Variants in EHMT1 observed in about 807,000 individuals in gnomAD.
The protein encoded by EHMT1 is histone-lysine N-methyltransferase EHMT1.
A neutral mutation model predicts 147.2 loss-of-function variants in EHMT1; 15 were observed. The ratio of observed to expected loss-of-function variants is 0.10; its 90% CI spans 0.07 to 0.16. EHMT1 has a LOEUF of 0.16. EHMT1 is among the 10% of genes least tolerant of loss of function. The pLI, the probability that EHMT1 is intolerant of heterozygous loss-of-function variation, is 1.00. For missense variants in EHMT1, 1,587 were observed against 1,772.4 expected (o/e 0.90, Z 1.88); for synonymous variants, 795 against 709.6 (o/e 1.12, Z -1.91).
chr9:137,643,222 A>G lies in EHMT1; in HGVS notation c.21+24173A>G, dbSNP rs571076187. ...TTCATGTGGGCTTGAGTTACTGTCT[A>G]GTGTCCTTTCATTTATCCTGAAGGA... On this transcript the variant is annotated intron_variant, in intron 1 of 26. Transcript: ENST00000460843. Among the ~76,000 whole-genome samples, 6 of 149,474 alleles carry G rather than the reference A, an allele frequency of 4.0e-5. No individual in the cohort carries two copies. The South Asian group carries it at 1.3e-3, about 32-fold the overall frequency.
chr9:137,719,760 G>A (rs1945745936), intron 3 of EHMT1, among the ~76,000 whole-genome samples: 1 of 152,158 alleles, frequency 6.6e-6, no homozygotes, highest in Admixed American at 6.5e-5. Flanking sequence ...TCACGTGCAG[G>A]GTGTTCTGTG....
chr9:137,659,455 G>C (rs749279099), intron 1 of EHMT1, among the ~76,000 whole-genome samples: 5 of 151,744 alleles, frequency 3.3e-5, no homozygotes, highest in Non-Finnish European at 5.9e-5. Context: ...ATGTTCCCCA[G>C]GCTGGACTTG....
intron 19 of EHMT1, among the ~76,000 whole-genome samples, chr9:137,812,637 A>C (rs1475645860): frequency 6.6e-6 from 1 of 152,260 alleles, no homozygotes; most frequent in African/African-American, 2.4e-5. Context: ...GGAACTGAGG[A>C]CTGCTCACGC....
At chr9:137,658,500 A>G (rs1302749086) in intron 1 of EHMT1, among the ~76,000 whole-genome samples, 1 of 151,834 alleles carries the variant, frequency 6.6e-6, no homozygotes, top group African/African-American at 2.4e-5. Flanking sequence ...TGGTTCTTGT[A>G]TCTAAGGTAG....
intron 1 of EHMT1, among the ~76,000 whole-genome samples, chr9:137,657,933 T>C (rs1938649133): frequency 6.6e-6 from 1 of 152,148 alleles, no homozygotes; most frequent in African/African-American, 2.4e-5. Context: ...TCAGTCATTT[T>C]AATTTTTAGC....
chr9:137,684,038 T>G (rs767623023), intron 1 of EHMT1, among the ~76,000 whole-genome samples: 13 of 149,994 alleles, frequency 8.7e-5, no homozygotes, highest in South Asian at 2.1e-4. Flanking sequence ...TTGTTTGTTT[T>G]TTTGCTTGTT....
Position 137,776,954 on chromosome 9 carries a change from G to A in EHMT1, c.2018+110G>A. ...TGTTTTTTCCAGAAGTCTCTGAGCTGATGCTGATGCTTATGGTGATTTCTG... is the reference window on the plus strand; with the variant it reads ...TGTTTTTTCCAGAAGTCTCTGAGCTAATGCTGATGCTTATGGTGATTTCTG... On this transcript the variant is annotated intron_variant, in intron 12 of 26. Transcript: ENST00000460843. The surrounding 1 kb of genome is among the most constrained non-coding windows in gnomAD (Gnocchi z 4.4). 1 of 962,006 alleles carries A rather than the reference G, an allele frequency of 1.0e-6. No individual in the cohort carries two copies. Among genetic ancestry groups the A allele is most frequent in the Non-Finnish European group, 1.6e-6 (1 of 631,320 alleles). 59.6% of individuals were successfully genotyped at this position (962,006 alleles called of 1,614,324 possible). A position where few individuals can be genotyped will look rare whatever the true frequency, so the allele number is the denominator to read the frequency against.
chr9:137,802,929 G>A (rs923941140), intron 18 of EHMT1: 6 of 1,232,652 alleles, frequency 4.9e-6, no homozygotes, highest in Admixed American at 8.4e-5. Context: ...GGAGCCCTGA[G>A]CTGGTGGAAG....
At chr9:137,780,296 ACGCTGAGATGTGTGGTGATGACGG>A (rs1951306049) in intron 14 of EHMT1, among the ~76,000 whole-genome samples, 1 of 129,886 alleles carries the variant, frequency 7.7e-6, no homozygotes, top group African/African-American at 3.1e-5. Flanking sequence ...TGTGGTGATG[ACGCTGAGATGTGTGGTGATGACGG>A]CATCACTGAG....
At chr9:137,650,101 T>G (rs985844501) in intron 1 of EHMT1, among the ~76,000 whole-genome samples, 1 of 152,010 alleles carries the variant, frequency 6.6e-6, no homozygotes, top group Non-Finnish European at 1.5e-5. Context: ...GTTATTTTAT[T>G]TATTTATTTT....
At chr9:137,619,630 G>C (rs971999726) in intron 1 of EHMT1, among the ~76,000 whole-genome samples, 2 of 152,280 alleles carry the variant, frequency 1.3e-5, no homozygotes, top group East Asian at 3.9e-4. Flanking sequence ...CTGGCTGTCA[G>C]AAGCAGGAAA....
In EHMT1 at chr9:137,835,538, C is replaced by T. The variant is rs1234424981; in HGVS notation, c.*585C>T. 2 of 152,502 alleles carry T rather than the reference C, an allele frequency of 1.3e-5. No individual in the cohort carries two copies. Among genetic ancestry groups the T allele is most frequent in the Non-Finnish European group, 2.9e-5 (2 of 67,932 alleles). 9.4% of individuals were successfully genotyped at this position (152,502 alleles called of 1,614,324 possible). ...TGTGGGTTTGCTTTTTAAAGGAATC[C>T]TATATCTAGTCCTATATATCAAACC... On this transcript the variant is annotated 3_prime_UTR_variant, in exon 27 of 27. Transcript: ENST00000460843.
rs1057059836 is a variant in EHMT1 at position 137,679,255 on chromosome 9, ATTGT to A, written c.22-31705_22-31702del. On this transcript the variant is annotated intron_variant, in intron 1 of 26. Transcript: ENST00000460843. ...TGAGCCACTGTGCCCGACCTGAGAA[ATTGT>A]TTGTTTCTGGAATTTTTCATTTAAT... Among the ~76,000 whole-genome samples, 6 of 152,130 alleles carry A rather than the reference ATTGT, an allele frequency of 3.9e-5. No homozygotes were observed. The South Asian group carries it at 8.3e-4, about 21-fold the overall frequency.
intron 9 of EHMT1, among the ~76,000 whole-genome samples, chr9:137,761,816 C>T (rs1949846262): frequency 6.6e-6 from 1 of 152,244 alleles, no homozygotes; most frequent in South Asian, 2.1e-4. Flanking sequence ...AATGATTCAT[C>T]TTCTATTTCT....
At chr9:137,821,342 T>TTTTTA (rs1955406692) in intron 25 of EHMT1, among the ~76,000 whole-genome samples, 1 of 148,276 alleles carries the variant, frequency 6.7e-6, no homozygotes, top group Non-Finnish European at 1.5e-5. Context: ...TTTTTTTTTT[T>TTTTTA]TAAGAGACCA....
intron 2 of EHMT1, among the ~76,000 whole-genome samples, chr9:137,714,237 C>T (rs373270429): frequency 2.0e-5 from 3 of 152,280 alleles, no homozygotes; most frequent in East Asian, 1.9e-4. Context: ...GAGAGCTTCC[C>T]GGGTTTCACC....
chr9:137,832,352 T>A (rs572391529), intron 25 of EHMT1, among the ~76,000 whole-genome samples: 1 of 123,104 alleles, frequency 8.1e-6, no homozygotes, highest in African/African-American at 3.4e-5. Context: ...CCACGTGGCC[T>A]CTGCACCTCG....
At chr9:137,639,284 A>G (rs1462810127) in intron 1 of EHMT1, among the ~76,000 whole-genome samples, 2 of 152,204 alleles carry the variant, frequency 1.3e-5, no homozygotes, top group Non-Finnish European at 2.9e-5. Flanking sequence ...TCAGTGCTTG[A>G]AAATAATGTG....
rs920012612 is a variant in EHMT1, at chr9:137,732,377, G to A, written c.823+3848G>A. The stretch of plus-strand genomic sequence containing the variant: ...GCGTGGGTCCCGAGTTCTTGTCTTG[G>A]GTCCAGGAAGAATGAGGTTACATGG... On this transcript the variant is annotated intron_variant, in intron 4 of 26. Coordinates refer to ENST00000460843, the MANE Select transcript of EHMT1 (RefSeq NM_024757.5). This position sits in a 1 kb window ranked among gnomAD's most constrained non-coding sequence, Gnocchi z 4.6. Among the ~76,000 whole-genome samples the A allele has an allele frequency of 6.6e-6, 1 of 152,166 alleles. No homozygotes were observed. The highest frequency in any genetic ancestry group is 1.5e-5 in the Non-Finnish European group (1 of 68,032).
Sources: gnomAD v4.1 joint callset for allele counts (sites outside exome capture counted in the v4.1 genomes callset) on GRCh38, gnomAD v4.1.1 for gene constraint, Gnocchi (gnomAD v3.1) non-coding constraint, MANE v1.5 for transcripts, NCBI Gene and HGNC (gene_info 2026-07-23, HGNC 2026-07-21) for gene names.